The following CCDC102B variants were observed in gnomAD, a reference collection of about 807,000 sequenced individuals.
The protein encoded by CCDC102B is coiled-coil domain-containing protein 102B.
Under a neutral mutation model 57.4 loss-of-function variants are expected in CCDC102B, and 75 were observed. That is an observed-to-expected ratio of 1.31 (90% confidence interval 1.08 to 1.58). The LOEUF (loss-of-function observed/expected upper bound fraction) is 1.58, where lower values mean the gene tolerates loss of function less well. Ranked by LOEUF, CCDC102B falls within the 40% of genes most tolerant of loss-of-function variation. The pLI is 0.00. For synonymous variants in CCDC102B, 206 were observed against 201.9 expected, an observed-to-expected ratio of 1.02 and a Z score of -0.17; for missense variants, 636 against 582.6, an observed-to-expected ratio of 1.09 and a Z score of -0.94.
chr18:68,761,934 C>G (rs529071176), intron 2 of CCDC102B, among the ~76,000 whole-genome samples: 1 of 151,226 alleles, frequency 6.6e-6, no homozygotes, highest in African/African-American at 2.4e-5. Flanking sequence ...TTATCTGTTT[C>G]TCTTCTTCAT....
intron 2 of CCDC102B, among the ~76,000 whole-genome samples, chr18:68,747,375 G>C (rs2033661366): frequency 6.6e-6 from 1 of 151,954 alleles, no homozygotes; most frequent in South Asian, 2.1e-4. Flanking sequence ...ATAATGTTCT[G>C]CAGGATCATA....
At chr18:68,767,461 C>T (rs2034506690) in intron 2 of CCDC102B, among the ~76,000 whole-genome samples, 1 of 152,220 alleles carries the variant, frequency 6.6e-6, no homozygotes, top group South Asian at 2.1e-4. Flanking sequence ...GTTCTCAAGA[C>T]TTCTGACCTC....
At chr18:68,781,828 G>T (rs2035016997) in intron 2 of CCDC102B, among the ~76,000 whole-genome samples, 1 of 152,104 alleles carries the variant, frequency 6.6e-6, no homozygotes, top group African/African-American at 2.4e-5. Flanking sequence ...ATGTATTGCT[G>T]AGCCTTTGTA....
At chr18:68,972,628 A>G (rs1370594484) in intron 6 of CCDC102B, among the ~76,000 whole-genome samples, 5 of 152,202 alleles carry the variant, frequency 3.3e-5, no homozygotes, top group Non-Finnish European at 5.9e-5. Context: ...AATAGATTTC[A>G]GTAAATTGAA....
intron 1 of CCDC102B, among the ~76,000 whole-genome samples, chr18:68,826,059 A>G (rs2036892432): frequency 1.3e-5 from 2 of 152,234 alleles, no homozygotes; most frequent in Admixed American, 1.3e-4. Context: ...AGCGACTAAA[A>G]TGCATTTTTC....
intron 6 of CCDC102B, among the ~76,000 whole-genome samples, chr18:68,913,332 G>GTGTGTA (rs1555725407): frequency 1.3e-5 from 2 of 151,620 alleles, no homozygotes; most frequent in African/African-American, 4.9e-5. Context: ...GTGTGTGTGT[G>GTGTGTA]TGTGTGTGTG....
chr18:69,043,135 A>G (rs1221737401), intron 7 of CCDC102B, among the ~76,000 whole-genome samples: 3 of 152,136 alleles, frequency 2.0e-5, no homozygotes, highest in Non-Finnish European at 4.4e-5. Flanking sequence ...TGCATCATAG[A>G]CAAGGTAAAG....
chr18:68,982,611 A>C (rs2050621017), intron 6 of CCDC102B, among the ~76,000 whole-genome samples: 2 of 151,894 alleles, frequency 1.3e-5, no homozygotes, highest in African/African-American at 4.8e-5. Flanking sequence ...GGCAATTTTT[A>C]ATTTTTAGTA....
intron 2 of CCDC102B, among the ~76,000 whole-genome samples, chr18:68,734,490 G>T (rs904372029): frequency 6.6e-6 from 1 of 152,156 alleles, no homozygotes; most frequent in African/African-American, 2.4e-5. Context: ...TCTGGCTTAC[G>T]GAGAAATTTT....
intron 7 of CCDC102B, among the ~76,000 whole-genome samples, chr18:69,044,716 A>C (rs1436032688): frequency 6.6e-6 from 1 of 152,194 alleles, no homozygotes; most frequent in Non-Finnish European, 1.5e-5. Context: ...CTGTTTACAC[A>C]TGCAAACCAA....
At chr18:68,770,661 T>C (rs1385322522) in intron 2 of CCDC102B, among the ~76,000 whole-genome samples, 1 of 152,220 alleles carries the variant, frequency 6.6e-6, no homozygotes, top group Admixed American at 6.5e-5. Flanking sequence ...TTCACTGCAG[T>C]TCTTCCTGTA....
intron 6 of CCDC102B, among the ~76,000 whole-genome samples, chr18:68,959,941 G>A (rs1402409027): frequency 6.6e-6 from 1 of 152,018 alleles, no homozygotes; most frequent in Non-Finnish European, 1.5e-5. Flanking sequence ...AGGAGCCAAG[G>A]CCTGGACTCA....
chr18:68,974,114 C>T (rs1180141897), intron 6 of CCDC102B, among the ~76,000 whole-genome samples: 1 of 152,030 alleles, frequency 6.6e-6, no homozygotes, highest in Non-Finnish European at 1.5e-5. Flanking sequence ...TCCTTTTTCC[C>T]CTCCAGATTT....
At chr18:68,856,452 G>A (rs1568291437) in intron 4 of CCDC102B, among the ~76,000 whole-genome samples, 1 of 151,952 alleles carries the variant, frequency 6.6e-6, no homozygotes, top group Non-Finnish European at 1.5e-5. Context: ...CACCACAACT[G>A]GCTAATTTAT....
chr18:68,748,273 A>G (rs1373096945), intron 2 of CCDC102B, among the ~76,000 whole-genome samples: 1 of 148,042 alleles, frequency 6.8e-6, no homozygotes, highest in African/African-American at 2.5e-5. Context: ...ATTGAGTTGT[A>G]GAATTCCATT....
intron 4 of CCDC102B, among the ~76,000 whole-genome samples, chr18:68,872,508 A>C (rs116882937): frequency 6.6e-6 from 1 of 152,148 alleles, no homozygotes; most frequent in Admixed American, 6.6e-5. Context: ...AGTCTAATAT[A>C]TTCTTATTTT....
rs748177523 is a variant in CCDC102B at position 69,029,456 on chromosome 18, A to T, written c.1434+18352A>T. ...GGTTGGAGGATGTGTTTCCTCATTT[A>T]TATGTAAACTATATCCCATCAGGCA... On this transcript the variant is annotated intron_variant, in intron 7 of 7. Coordinates refer to ENST00000360242, the MANE Select transcript of CCDC102B (RefSeq NM_024781.3). 2.0e-5 allele frequency among the ~76,000 whole-genome samples: 3 copies of T among 152,048 alleles called. No individual in the cohort carries two copies. The South Asian group carries it at 6.2e-4, about 32-fold the overall frequency.
chr18:68,736,313 G>A (rs952536054), intron 2 of CCDC102B, among the ~76,000 whole-genome samples: 11 of 152,080 alleles, frequency 7.2e-5, no homozygotes, highest in Admixed American at 2.6e-4. Flanking sequence ...TTGCTTGCTC[G>A]TCAGAAACAG....
chr18:68,887,968 G>C (rs116146502), intron 5 of CCDC102B, among the ~76,000 whole-genome samples: 30 of 152,260 alleles, frequency 2.0e-4, no homozygotes, highest in African/African-American at 6.5e-4. Flanking sequence ...AGCACTCAGA[G>C]ACAGACAACT....
Sources: gnomAD v4.1 joint callset for allele counts (sites outside exome capture counted in the v4.1 genomes callset) on GRCh38, gnomAD v4.1.1 for gene constraint, MANE v1.5 for transcripts, NCBI Gene and HGNC (gene_info 2026-07-23, HGNC 2026-07-21) for gene names.